Variants in CCSER1 observed in about 807,000 individuals in gnomAD.
The protein encoded by CCSER1 is serine-rich coiled-coil domain-containing protein 1.
A neutral mutation model predicts 82.0 loss-of-function variants in CCSER1; 41 were observed. That is an observed-to-expected ratio of 0.50 (90% CI 0.39 to 0.65). The LOEUF (loss-of-function observed/expected upper bound fraction) is 0.65. Ranked by LOEUF, CCSER1 falls within the 30% of genes least tolerant of loss-of-function variation. The pLI is 0.00. For synonymous variants in CCSER1, 414 were observed against 383.9 expected (o/e 1.08, Z -0.92); for missense variants, 1,119 against 1,064.2 (o/e 1.05, Z -0.72).
intron 9 of CCSER1, among the ~76,000 whole-genome samples, chr4:90,999,392 T>G (rs1463320958): frequency 2.0e-5 from 3 of 152,220 alleles, no homozygotes; most frequent in Non-Finnish European, 4.4e-5. Context: ...CATCAACATC[T>G]GTTGTTTTTT....
chr4:90,591,967 A>G (rs577636846), intron 5 of CCSER1, among the ~76,000 whole-genome samples: 1 of 152,238 alleles, frequency 6.6e-6, no homozygotes, highest in African/African-American at 2.4e-5. Context: ...TCTCACTCAT[A>G]AGTGGGAGTT....
At position 90,611,059 on chromosome 4, in the gene CCSER1, C is replaced by CTTTT. The variant is rs201354908; in HGVS notation, c.1725-16949_1725-16946dup. 2.4e-3 allele frequency among the ~76,000 whole-genome samples: 229 copies of CTTTT among 93,782 alleles called. 6 individuals carry two copies. The highest frequency in any genetic ancestry group is 8.1e-3 in the Middle Eastern group (1 of 124). The allele number at this position is 93,782 out of a possible 152,430, so 61.5% of individuals were successfully genotyped here. A position where few individuals can be genotyped will look rare whatever the true frequency, so the allele number is the denominator to read the frequency against. On this transcript the variant is annotated intron_variant, in intron 5 of 10. Transcript: ENST00000509176. Reference sequence around the variant, plus strand: ...TGCCTGGCTAATTTTCTTTTCTTTTCTTTTTTTTTTTTTTTTTTTTGTAGA... The same window carrying CTTTT: ...TGCCTGGCTAATTTTCTTTTCTTTTCTTTTTTTTTTTTTTTTTTTTTTTTGTAGA...
At position 90,847,013 on chromosome 4, in the gene CCSER1, G is replaced by A. The variant is rs1763308326; in HGVS notation, c.2094+31168G>A. On this transcript the variant is annotated intron_variant, in intron 8 of 10. Transcript: ENST00000509176. ...TTGATTTAATTCTTTACAATGGGGTGTCTTCGTTCCCTCTGAAACTGTTCC... is the reference window on the plus strand; with the variant it reads ...TTGATTTAATTCTTTACAATGGGGTATCTTCGTTCCCTCTGAAACTGTTCC... Among the ~76,000 whole-genome samples, 5 of 152,160 alleles carry A rather than the reference G, an allele frequency of 3.3e-5. No homozygotes were observed. In the South Asian group the frequency reaches 8.3e-4, roughly 25 times the overall value.
At position 90,856,103 on chromosome 4, in the gene CCSER1, C is replaced by T. The variant is rs566955501; in HGVS notation, c.2094+40258C>T. Among the ~76,000 whole-genome samples the T allele has an allele frequency of 6.8e-4, 103 of 152,186 alleles. 1 individual carries two copies. Among genetic ancestry groups the T allele is most frequent in the Admixed American group, 6.7e-3 (103 of 15,276 alleles). ...AAATATTAATTTAATACACATTCAA[C>T]TCAATTTGGTTATTCCCCCCATCTT... On this transcript the variant is annotated intron_variant, in intron 8 of 10. Coordinates refer to ENST00000509176, the MANE Select transcript of CCSER1 (RefSeq NM_001145065.2).
intron 6 of CCSER1, among the ~76,000 whole-genome samples, chr4:90,652,850 G>A (rs930309657): frequency 2.0e-5 from 3 of 151,694 alleles, no homozygotes; most frequent in Non-Finnish European, 4.4e-5. Flanking sequence ...AGAATCCAAG[G>A]CCCCATTGTT....
intron 7 of CCSER1, among the ~76,000 whole-genome samples, chr4:90,744,907 G>C (rs546394416): frequency 6.6e-6 from 1 of 152,016 alleles, no homozygotes; most frequent in South Asian, 2.1e-4. Flanking sequence ...GGTTGGACTA[G>C]TGATCTAGAC....
At chr4:91,244,542 T>G (rs1428789374) in intron 10 of CCSER1, among the ~76,000 whole-genome samples, 2 of 152,196 alleles carry the variant, frequency 1.3e-5, no homozygotes, top group Non-Finnish European at 2.9e-5. Context: ...TGCCTGGTAA[T>G]CCAGAGAATT....
intron 10 of CCSER1, among the ~76,000 whole-genome samples, chr4:91,150,512 C>G (rs1279755608): frequency 6.6e-6 from 1 of 152,170 alleles, no homozygotes; most frequent in Non-Finnish European, 1.5e-5. Context: ...ACATCCAACA[C>G]TATGTTGAAT....
intron 1 of CCSER1, among the ~76,000 whole-genome samples, chr4:90,272,533 A>G (rs1726736230): frequency 6.6e-6 from 1 of 152,186 alleles, no homozygotes; most frequent in Admixed American, 6.5e-5. Flanking sequence ...GAGCTACCAT[A>G]TGACCTAGGT....
chr4:91,046,528 A>G (rs1345977360), intron 9 of CCSER1, among the ~76,000 whole-genome samples: 1 of 152,160 alleles, frequency 6.6e-6, no homozygotes, highest in Non-Finnish European at 1.5e-5. Context: ...TACTTAGATG[A>G]TAAGATTCAA....
chr4:91,176,746 A>G (rs1198403182), intron 10 of CCSER1, among the ~76,000 whole-genome samples: 1 of 152,164 alleles, frequency 6.6e-6, no homozygotes, highest in African/African-American at 2.4e-5. Flanking sequence ...TTCTAAATAT[A>G]CAATCATATC....
At chr4:90,422,410 T>C (rs1451147675) in intron 4 of CCSER1, among the ~76,000 whole-genome samples, 1 of 152,070 alleles carries the variant, frequency 6.6e-6, no homozygotes, top group Non-Finnish European at 1.5e-5. Flanking sequence ...CTAGACAATA[T>C]AGAGAGACCC....
chr4:91,145,435 T>C (rs1729445591), intron 10 of CCSER1, among the ~76,000 whole-genome samples: 1 of 152,072 alleles, frequency 6.6e-6, no homozygotes, highest in Non-Finnish European at 1.5e-5. Flanking sequence ...TTAAGTAGGG[T>C]GTTTAGACCA....
intron 3 of CCSER1, among the ~76,000 whole-genome samples, chr4:90,341,969 GA>G (rs1741455783): frequency 6.6e-6 from 1 of 152,154 alleles, no homozygotes; most frequent in Non-Finnish European, 1.5e-5. Flanking sequence ...TGGTGGATTA[GA>G]TGGCACTGAT....
intron 8 of CCSER1, among the ~76,000 whole-genome samples, chr4:90,911,838 C>T (rs1023286185): frequency 7.9e-5 from 12 of 152,336 alleles, no homozygotes; most frequent in East Asian, 7.7e-4. Context: ...TTATATTCCA[C>T]GCCTGGCTCA....
intron 5 of CCSER1, among the ~76,000 whole-genome samples, chr4:90,493,101 G>A (rs1234123035): frequency 6.6e-6 from 1 of 152,142 alleles, no homozygotes; most frequent in East Asian, 1.9e-4. Context: ...CATGGCACGA[G>A]AACTACGTGA....
At chr4:90,311,812 G>A (rs1418224597) in intron 2 of CCSER1, among the ~76,000 whole-genome samples, 5 of 152,098 alleles carry the variant, frequency 3.3e-5, no homozygotes, top group East Asian at 1.9e-4. Flanking sequence ...TAGTAGATGA[G>A]CCTAATTAGA....
chr4:91,588,186 A>C (rs1359468704), intron 10 of CCSER1, among the ~76,000 whole-genome samples: 1 of 151,362 alleles, frequency 6.6e-6, no homozygotes, highest in Non-Finnish European at 1.5e-5. Flanking sequence ...TTGTTAGCAG[A>C]CTTTTTGCGA....
At chr4:91,321,159 G>A (rs1396625746) in intron 10 of CCSER1, among the ~76,000 whole-genome samples, 2 of 152,038 alleles carry the variant, frequency 1.3e-5, no homozygotes, top group Non-Finnish European at 2.9e-5. Flanking sequence ...TTCTTATTCC[G>A]TAAGTGTTTC....
Sources: allele counts gnomAD v4.1 joint callset (sites outside exome capture counted in the v4.1 genomes callset), GRCh38; gene constraint gnomAD v4.1.1; transcripts MANE v1.5; gene names NCBI Gene and HGNC (gene_info 2026-07-23, HGNC 2026-07-21).